Variants in COPG1 observed in about 807,000 individuals in gnomAD.
COPG1 encodes coatomer subunit gamma-1.
In COPG1, 29 loss-of-function variants were observed where a neutral mutation model predicts 102.8. The observed-to-expected ratio is 0.28, with a 90% CI of 0.21 to 0.38. The LOEUF (loss-of-function observed/expected upper bound fraction) is 0.38. COPG1 is among the 10% of genes least tolerant of loss of function. The pLI is 1.00. For missense variants in COPG1, 875 were observed against 1,132.7 expected, an observed-to-expected ratio of 0.77 and a Z score of 3.27; for synonymous variants, 406 against 421.6, an observed-to-expected ratio of 0.96 and a Z score of 0.45.
chr3:129,273,706 C>T (rs1015458650), intron 21 of COPG1, among the ~76,000 whole-genome samples: 2 of 152,126 alleles, frequency 1.3e-5, no homozygotes. Flanking sequence ...TTTTTATCTG[C>T]ATTTTAGATT....
chr3:129,253,415 T>A (rs897385011), intron 5 of COPG1, among the ~76,000 whole-genome samples: 1 of 152,232 alleles, frequency 6.6e-6, no homozygotes, highest in African/African-American at 2.4e-5. Flanking sequence ...GTGGGGGTCA[T>A]ACATTGATTT....
chr3:129,258,699 G>A (rs916921482), intron 10 of COPG1, among the ~76,000 whole-genome samples: 2 of 152,076 alleles, frequency 1.3e-5, no homozygotes, highest in African/African-American at 2.4e-5. Context: ...CTCATGATCC[G>A]CCCGCCTCGG....
chr3:129,275,084 G>T lies in COPG1; in HGVS notation c.2395+108G>T. On this transcript the variant is annotated intron_variant, in intron 22 of 23. Transcript: ENST00000314797. This position sits in a 1 kb window ranked among gnomAD's most constrained non-coding sequence, Gnocchi z 5.0. ...CCAAGGATCCAGGGCCATGTCTGGAGCACATATGTCAAATGCCACTTCATT... is the reference window on the plus strand; with the variant it reads ...CCAAGGATCCAGGGCCATGTCTGGATCACATATGTCAAATGCCACTTCATT... 6.7e-7 allele frequency: 1 copy of T among 1,497,084 alleles called. No individual in the cohort carries two copies. The highest frequency in any genetic ancestry group is 1.7e-5 in the Admixed American group (1 of 58,688). The allele number at this position is 1,497,084 out of a possible 1,614,324, so 92.7% of individuals were successfully genotyped here.
Position 129,268,963 on chromosome 3 carries a change from T to C in COPG1, c.1806T>C (p.Pro602=), listed in dbSNP as rs745478492. 6.2e-7 allele frequency: 1 copy of C among 1,614,126 alleles called. No individual in the cohort carries two copies. The highest frequency in any genetic ancestry group is 8.5e-7 in the Non-Finnish European group (1 of 1,180,002). The stretch of plus-strand genomic sequence containing the variant: ...CCCCCATCACAGCAGTCAAACAGCC[T>C]GAGAAAGTGGCAGCTACCAGGCAGG... ...ESTPITAVKQ[P]EKVAATRQEI... Residue 602 remains proline (P), a synonymous_variant, in exon 18 of 24, where the codon CCT becomes CCC. Coordinates refer to ENST00000314797, the MANE Select transcript of COPG1 (RefSeq NM_016128.4).
At position 129,277,503 on chromosome 3, in the gene COPG1, A is replaced by T. The variant is rs1940300390; in HGVS notation, c.*79A>T. ...TGCCTTCCTCATGAAACTGGCAGAA[A>T]CCCCTTCCCAAGCTTCTGTATTGAA... On this transcript the variant is annotated 3_prime_UTR_variant, in exon 24 of 24. Transcript: ENST00000314797. The T allele has an allele frequency of 2.7e-6, 4 of 1,457,396 alleles. No homozygotes were observed. The highest frequency in any genetic ancestry group is 2.4e-5 in the East Asian group (1 of 42,110). 90.3% of individuals were successfully genotyped at this position (1,457,396 alleles called of 1,614,324 possible). A position where few individuals can be genotyped will look rare whatever the true frequency, so the allele number is the denominator to read the frequency against.
intron 10 of COPG1, among the ~76,000 whole-genome samples, 167 bp downstream of exon 10, chr3:129,258,027 C>T (rs376960097): frequency 4.9e-4 from 74 of 152,316 alleles, no homozygotes; most frequent in African/African-American, 1.6e-3. Flanking sequence ...ACTTGTATCA[C>T]GTTTTGGTGG....
rs1386866194 is a variant in COPG1, at chr3:129,260,814, G to A, written c.1128+7G>A. On this transcript the variant is annotated splice_region_variant and intron_variant, in intron 12 of 23. Transcript: ENST00000314797. Reference sequence around the variant, plus strand: ...AATCTCGGATGAATTCAAGGTACCTGCTACCCCCAGGACACCCACGGCCCC... The same window carrying A: ...AATCTCGGATGAATTCAAGGTACCTACTACCCCCAGGACACCCACGGCCCC... 1 of 1,611,520 alleles carries A rather than the reference G, an allele frequency of 6.2e-7. No homozygotes were observed. Among genetic ancestry groups the A allele is most frequent in the Admixed American group, 1.7e-5 (1 of 59,982 alleles).
At chr3:129,252,585 T>G (rs1161814047) in intron 3 of COPG1, 38 bp from the exon 4 acceptor site, 1 of 1,562,842 alleles carries the variant, frequency 6.4e-7, no homozygotes. Context: ...TGTCTGACCC[T>G]CTGTCCCAAG....
chr3:129,272,992 T>G, intron 21 of COPG1, 88 bp downstream of exon 21: 2 of 627,194 alleles, frequency 3.2e-6, no homozygotes, highest in African/African-American at 3.8e-5. Flanking sequence ...TGGAGCTGTT[T>G]TTGGCTTTTT....
At chr3:129,272,573 T>TA (rs529306090) in intron 20 of COPG1, among the ~76,000 whole-genome samples, 158 bp downstream of exon 20, 270 of 151,844 alleles carry the variant, frequency 1.8e-3, no homozygotes, top group African/African-American at 6.2e-3. Context: ...TGCTCTTCTT[T>TA]AAAAATTTTT....
intron 17 of COPG1, 106 bp from the exon 18 acceptor site, chr3:129,268,826 C>G (rs73862856): frequency 8.4e-7 from 1 of 1,195,634 alleles, no homozygotes. Flanking sequence ...TTCCCACTCT[C>G]AGGAGGGTTA....
Position 129,257,908 on chromosome 3 carries a change from G to A in COPG1, c.871+48G>A, listed in dbSNP as rs759742944. ...AGCCTCACATGTTTATGCTTGCTGG[G>A]AACTAGGCCTGGGTTCCCGGGCTAG... On this transcript the variant is annotated intron_variant, in intron 10 of 23. Coordinates refer to ENST00000314797, the MANE Select transcript of COPG1 (RefSeq NM_016128.4). 3.1e-6 allele frequency: 5 copies of A among 1,599,250 alleles called. 1 individual carries two copies. In the South Asian group the frequency reaches 5.6e-5, roughly 18 times the overall value.
intron 7 of COPG1, 30 bp downstream of exon 7, chr3:129,255,107 G>A: frequency 2.0e-6 from 3 of 1,471,110 alleles, no homozygotes; most frequent in Non-Finnish European, 2.8e-6. Context: ...GCCCTGCTGG[G>A]GGTGGGGTAG....
intron 2 of COPG1, 24 bp from the exon 3 acceptor site, chr3:129,252,257 A>C: frequency 6.6e-7 from 1 of 1,509,292 alleles, no homozygotes; most frequent in Non-Finnish European, 9.2e-7. Context: ...CTAGAAGGTA[A>C]CATCTTTGGT....
At chr3:129,267,289 C>A in intron 15 of COPG1, 190 bp downstream of exon 15, 1 of 465,096 alleles carries the variant, frequency 2.2e-6, no homozygotes, top group Non-Finnish European at 3.9e-6. Flanking sequence ...CCAGATGTGA[C>A]AATTGGTAAC....
chr3:129,272,144 A>G, intron 19 of COPG1, 100 bp from the exon 20 acceptor site: 12 of 1,192,694 alleles, frequency 1.0e-5, no homozygotes, highest in Non-Finnish European at 1.5e-5. Flanking sequence ...GATGGGAATC[A>G]CCTTGGTCAA....
intron 20 of COPG1, 101 bp downstream of exon 20, chr3:129,272,516 C>A (rs907249896): frequency 1.1e-6 from 1 of 944,570 alleles, no homozygotes. Context: ...ATTAGAGCTT[C>A]AGCTCCTTGA....
At chr3:129,270,877 A>G (rs559124994) in intron 18 of COPG1, among the ~76,000 whole-genome samples, 21 of 152,342 alleles carry the variant, frequency 1.4e-4, no homozygotes, top group African/African-American at 4.3e-4. Flanking sequence ...ATCAGTATAT[A>G]TTGGAATAAT....
At chr3:129,253,058 T>G (rs1050873498) in intron 5 of COPG1, 103 bp downstream of exon 5, 10 of 998,296 alleles carry the variant, frequency 1.0e-5, no homozygotes, top group African/African-American at 1.6e-5. Flanking sequence ...TATTGCCAGC[T>G]GCCCACCCCG....
Sources: gnomAD v4.1 joint callset for allele counts (sites outside exome capture counted in the v4.1 genomes callset) on GRCh38, gnomAD v4.1.1 for gene constraint, Gnocchi (gnomAD v3.1) non-coding constraint, MANE v1.5 for transcripts, NCBI Gene and HGNC (gene_info 2026-07-23, HGNC 2026-07-21) for gene names.